Variants in CNTN5 observed in about 807,000 individuals in gnomAD.
CNTN5 encodes the protein contactin-5.
Under a neutral mutation model 129.1 loss-of-function variants are expected in CNTN5, and 77 were observed. That is an observed-to-expected ratio of 0.60 (90% CI 0.50 to 0.72). The LOEUF (loss-of-function observed/expected upper bound fraction) is 0.72, where lower values mean the gene tolerates loss of function less well. Ranked by LOEUF, CNTN5 falls within the 30% of genes least tolerant of loss-of-function variation. The pLI, the probability that CNTN5 is intolerant of heterozygous loss-of-function variation, is 0.00. For missense variants in CNTN5, 1,478 were observed against 1,328.8 expected (o/e 1.11, Z -1.75); for synonymous variants, 509 against 465.6 (o/e 1.09, Z -1.20).
At chr11:99,597,667 CT>C (rs1950167790) in intron 3 of CNTN5, among the ~76,000 whole-genome samples, 1 of 152,116 alleles carries the variant, frequency 6.6e-6, no homozygotes, top group Non-Finnish European at 1.5e-5. Context: ...TATACTAACT[CT>C]TTTGTGTTAT....
rs1262155036 is a variant in CNTN5, at chr11:100,238,516, A to C, written c.2005+13704A>C. Among the ~76,000 whole-genome samples the C allele has an allele frequency of 9.5e-5, 13 of 136,182 alleles. No homozygotes were observed. In the South Asian group the frequency reaches 1.7e-3, roughly 18 times the overall value. The allele number at this position is 136,182 out of a possible 152,430, so 89.3% of individuals were successfully genotyped here. On this transcript the variant is annotated intron_variant, in intron 16 of 24. Coordinates refer to ENST00000524871, the MANE Select transcript of CNTN5 (RefSeq NM_014361.4). ...AGCAGCAGGAGGAGGAGAAGGGGGAAGAGGAGGAGGGGGTAGAAGAGGAGG... is the reference window on the plus strand; with the variant it reads ...AGCAGCAGGAGGAGGAGAAGGGGGACGAGGAGGAGGGGGTAGAAGAGGAGG...
intron 8 of CNTN5, among the ~76,000 whole-genome samples, chr11:99,985,515 G>T (rs910991884): frequency 1.4e-4 from 21 of 152,240 alleles, no homozygotes; most frequent in African/African-American, 5.1e-4. Flanking sequence ...TTTGGAAAAG[G>T]CAACATTCAG....
chr11:99,331,296 A>G (rs1013431224), intron 2 of CNTN5, among the ~76,000 whole-genome samples: 3 of 152,132 alleles, frequency 2.0e-5, no homozygotes, highest in African/African-American at 7.2e-5. Flanking sequence ...TATGCTATAA[A>G]TTGTGCTAGT....
At chr11:99,578,496 T>C (rs1485609778) in intron 3 of CNTN5, among the ~76,000 whole-genome samples, 2 of 150,450 alleles carry the variant, frequency 1.3e-5, no homozygotes, top group African/African-American at 2.5e-5. Flanking sequence ...ACCTGTTGTT[T>C]CCTGACTTTT....
chr11:99,132,343 C>T (rs1361025532), intron 1 of CNTN5, among the ~76,000 whole-genome samples: 1 of 152,068 alleles, frequency 6.6e-6, no homozygotes, highest in African/African-American at 2.4e-5. Flanking sequence ...AAAACTGGCA[C>T]AAGACAAGGA....
At position 99,668,101 on chromosome 11, in the gene CNTN5, G is replaced by A. The variant is rs1079011; in HGVS notation, c.55+111832G>A. ...TCACTGAAACTGAATACTGCCACAC[G>A]CAGGATTCACATAGTATACTTGTCA... is the stretch of plus-strand genomic sequence containing the variant. On this transcript the variant is annotated intron_variant, in intron 3 of 24. Coordinates refer to ENST00000524871, the MANE Select transcript of CNTN5 (RefSeq NM_014361.4). Among the ~76,000 whole-genome samples, 1,152 of 152,096 alleles carry A rather than the reference G, an allele frequency of 7.6e-3. 96 individuals carry two copies. The East Asian group carries it at 0.19, about 24-fold the overall frequency.
At chr11:99,560,465 T>C (rs1015144134) in intron 3 of CNTN5, among the ~76,000 whole-genome samples, 3 of 151,942 alleles carry the variant, frequency 2.0e-5, no homozygotes, top group African/African-American at 2.4e-5. Flanking sequence ...CTAATTTTTC[T>C]ATTTTTAGTA....
In CNTN5 at chr11:99,882,444, C is replaced by T. The variant is rs7119282; in HGVS notation, c.578-33610C>T. Among the ~76,000 whole-genome samples, 1,107 of 152,086 alleles carry T rather than the reference C, an allele frequency of 7.3e-3. 16 individuals are homozygous for T. Among genetic ancestry groups the T allele is most frequent in the African/African-American group, 0.025 (1,046 of 41,486 alleles). On this transcript the variant is annotated intron_variant, in intron 6 of 24. Transcript: ENST00000524871. ...AAAAGAGATTTGGTTTAAAAGTAGACGCTGAAGTCAGTTATACATTCAGTA... is the reference window on the plus strand; with the variant it reads ...AAAAGAGATTTGGTTTAAAAGTAGATGCTGAAGTCAGTTATACATTCAGTA...
intron 1 of CNTN5, among the ~76,000 whole-genome samples, chr11:99,103,541 G>A (rs1177972036): frequency 6.6e-6 from 1 of 151,998 alleles, no homozygotes; most frequent in Admixed American, 6.6e-5. Flanking sequence ...TTTATAGCAT[G>A]GATTCATATA....
intron 3 of CNTN5, among the ~76,000 whole-genome samples, chr11:99,678,058 A>T (rs1465138267): frequency 6.6e-6 from 1 of 152,004 alleles, no homozygotes. Context: ...TGATACTTAT[A>T]TGTTTTTATT....
At chr11:100,255,976 T>C in intron 17 of CNTN5, 58 bp downstream of exon 17, 1 of 1,474,824 alleles carries the variant, frequency 6.8e-7, no homozygotes, top group Non-Finnish European at 9.4e-7. Flanking sequence ...TCTCATAAGC[T>C]ATATTTGGCT....
chr11:99,841,021 C>T (rs1947471912), intron 4 of CNTN5, among the ~76,000 whole-genome samples: 1 of 152,016 alleles, frequency 6.6e-6, no homozygotes, highest in Non-Finnish European at 1.5e-5. Context: ...TTCTTTTCCC[C>T]CCCTTAACAT....
chr11:99,880,548 C>A (rs1948745642), intron 6 of CNTN5, among the ~76,000 whole-genome samples: 1 of 152,006 alleles, frequency 6.6e-6, no homozygotes, highest in Non-Finnish European at 1.5e-5. Context: ...ATCCTTATTT[C>A]ATGCCACAAG....
chr11:100,223,883 AAAT>A (rs1949317655), intron 15 of CNTN5, among the ~76,000 whole-genome samples: 1 of 152,216 alleles, frequency 6.6e-6, no homozygotes, highest in African/African-American at 2.4e-5. Flanking sequence ...CTGATAGAGT[AAAT>A]TAAAGACAAC....
intron 2 of CNTN5, among the ~76,000 whole-genome samples, chr11:99,524,091 A>T (rs936245694): frequency 6.6e-6 from 1 of 152,220 alleles, no homozygotes; most frequent in Admixed American, 6.5e-5. Context: ...TAAAAAAATG[A>T]ATGAAAATAA....
chr11:99,985,764 T>C (rs1305684721), intron 8 of CNTN5, among the ~76,000 whole-genome samples: 5 of 152,204 alleles, frequency 3.3e-5, no homozygotes, highest in African/African-American at 1.2e-4. Context: ...TAATCATCCG[T>C]CTTTTAATAA....
intron 1 of CNTN5, among the ~76,000 whole-genome samples, chr11:99,069,762 A>G (rs1162803856): frequency 6.6e-6 from 1 of 152,178 alleles, no homozygotes; most frequent in Non-Finnish European, 1.5e-5. Flanking sequence ...CCGGGTCTTT[A>G]TCCTTTAGCT....
chr11:100,110,211 AG>A (rs1467529003), intron 13 of CNTN5, among the ~76,000 whole-genome samples: 5 of 151,032 alleles, frequency 3.3e-5, no homozygotes, highest in Non-Finnish European at 4.4e-5. Context: ...GAAAAGAAAA[AG>A]AAAAGATAAA....
chr11:99,466,964 G>A (rs1266132683), intron 2 of CNTN5, among the ~76,000 whole-genome samples: 3 of 152,098 alleles, frequency 2.0e-5, no homozygotes, highest in Admixed American at 2.0e-4. Context: ...GATTTCCTAT[G>A]TGCCTAGAGA....
Sources: allele counts gnomAD v4.1 joint callset (sites outside exome capture counted in the v4.1 genomes callset), GRCh38; gene constraint gnomAD v4.1.1; transcripts MANE v1.5; gene names NCBI Gene and HGNC (gene_info 2026-07-23, HGNC 2026-07-21).